The following DNAH3 variants were observed in gnomAD, a reference collection of about 807,000 sequenced individuals.
DNAH3 encodes dynein axonemal heavy chain 3.
Under a neutral mutation model 432.5 loss-of-function variants are expected in DNAH3, and 332 were observed. The observed-to-expected ratio is 0.77, with a 90% CI of 0.70 to 0.84. The LOEUF is 0.84. Among genes scored for constraint, DNAH3 ranks in the 40% least tolerant of loss-of-function variants. The pLI, the probability that DNAH3 is intolerant of heterozygous loss-of-function variation, is 0.00. For missense variants in DNAH3, 4,861 were observed against 5,114.0 expected (o/e 0.95, Z 1.51); for synonymous variants, 1,956 against 1,900.2 (o/e 1.03, Z -0.76).
chr16:21,065,455 C>G (rs1567728063), intron 24 of DNAH3, among the ~76,000 whole-genome samples: 2 of 152,264 alleles, frequency 1.3e-5, no homozygotes, highest in South Asian at 4.2e-4. Flanking sequence ...GCCACCACGC[C>G]TGGTCTATTA....
At chr16:20,980,210 ATAT>A (rs2085802443) in intron 49 of DNAH3, among the ~76,000 whole-genome samples, 1 of 132,208 alleles carries the variant, frequency 7.6e-6, no homozygotes, top group African/African-American at 3.0e-5. Context: ...ATATTTATTT[ATAT>A]TATTTATATT....
At chr16:21,153,690 G>A (rs7184294) in intron 1 of DNAH3, among the ~76,000 whole-genome samples, 71,385 of 151,520 alleles carry the variant, frequency 0.47, 17,231 homozygotes, top group East Asian at 0.68. Flanking sequence ...CCCACCAGAA[G>A]GAAGAAACTC....
intron 31 of DNAH3, among the ~76,000 whole-genome samples, chr16:21,045,922 T>C (rs1414929017): frequency 6.9e-6 from 1 of 144,986 alleles, no homozygotes; most frequent in Non-Finnish European, 1.5e-5. Flanking sequence ...CTGCCTTCAT[T>C]TCGTTATGTA....
chr16:21,156,577 C>G (rs1278749353), intron 1 of DNAH3, among the ~76,000 whole-genome samples: 1 of 152,136 alleles, frequency 6.6e-6, no homozygotes, highest in Non-Finnish European at 1.5e-5. Flanking sequence ...CCTTCATGAC[C>G]TAATCACCTC....
exon 20 of DNAH3, chr16:21,081,669 A>G (rs1567757653): frequency 6.2e-7 from 1 of 1,613,834 alleles, no homozygotes; most frequent in Non-Finnish European, 8.5e-7. Flanking sequence ...AAATTCGAGC[A>G]TATTTGAGAG....
At chr16:21,138,275 T>C (rs566816246) in intron 5 of DNAH3, among the ~76,000 whole-genome samples, 129 of 149,168 alleles carry the variant, frequency 8.6e-4, no homozygotes, top group Non-Finnish European at 1.6e-3. Flanking sequence ...GAAAAAGAGG[T>C]TGCTGCTGCC....
At chr16:21,001,656 T>C (rs1329903580) in intron 42 of DNAH3, among the ~76,000 whole-genome samples, 1 of 152,176 alleles carries the variant, frequency 6.6e-6, no homozygotes, top group Non-Finnish European at 1.5e-5. Context: ...TTTGCCTGTA[T>C]TACCCCCTAC....
exon 51 of DNAH3, chr16:20,975,275 T>C (rs2152647532): frequency 6.2e-7 from 1 of 1,614,112 alleles, no homozygotes; most frequent in Middle Eastern, 1.7e-4. Flanking sequence ...TGGCTTCTTT[T>C]TCATCTGCCT....
rs1036707321 is a variant in DNAH3 at position 20,985,849 on chromosome 16, G to A, written c.7027-134C>T. 6.1e-5 allele frequency: 55 copies of A among 903,780 alleles called. No homozygotes were observed. In the African/African-American group the frequency reaches 8.4e-4, roughly 14 times the overall value. 56.0% of individuals were successfully genotyped at this position (903,780 alleles called of 1,614,324 possible). The stretch of plus-strand genomic sequence containing the variant: ...CATCCTTCAAGGTCATGGGTCATCA[G>A]TTTTGTTTTGTTTCGTTTTGTTTTG... On this transcript the variant is annotated intron_variant, in intron 47 of 61. Coordinates refer to ENST00000261383, the Ensembl canonical transcript of DNAH3.
intron 52 of DNAH3, among the ~76,000 whole-genome samples, chr16:20,968,972 T>C (rs2085189924): frequency 1.3e-5 from 2 of 152,118 alleles, no homozygotes; most frequent in Admixed American, 1.3e-4. Context: ...TCTCTGCATA[T>C]TTGTCTCTCA....
intron 18 of DNAH3, among the ~76,000 whole-genome samples, chr16:21,092,403 T>C (rs1023962390): frequency 1.3e-5 from 2 of 151,646 alleles, no homozygotes; most frequent in African/African-American, 4.8e-5. Flanking sequence ...GATGAAAAAA[T>C]TGGACATCTA....
chr16:21,139,956 T>C (rs2092697702), intron 5 of DNAH3, among the ~76,000 whole-genome samples: 1 of 151,698 alleles, frequency 6.6e-6, no homozygotes, highest in African/African-American at 2.4e-5. Context: ...ATTTTGTTTT[T>C]GTATTTTTAG....
exon 62 of DNAH3, chr16:20,933,472 G>A (rs769706841): frequency 9.3e-6 from 15 of 1,608,562 alleles, no homozygotes; most frequent in Admixed American, 5.0e-5. Flanking sequence ...CCCCATCTTC[G>A]GGGTTATTCT....
chr16:21,108,751 A>T (rs1235399476), intron 14 of DNAH3, among the ~76,000 whole-genome samples: 1 of 151,858 alleles, frequency 6.6e-6, no homozygotes, highest in Non-Finnish European at 1.5e-5. Context: ...TCAATTTTTT[A>T]AAAAGTGTCC....
chr16:21,125,335 C>A, exon 9 of DNAH3: 1 of 1,611,066 alleles, frequency 6.2e-7, no homozygotes, highest in South Asian at 1.1e-5. Flanking sequence ...GTGCTCCTTC[C>A]GTGAGGTAAA....
At chr16:21,146,772 T>TC (rs1451519302) in intron 1 of DNAH3, among the ~76,000 whole-genome samples, 4 of 151,676 alleles carry the variant, frequency 2.6e-5, no homozygotes, top group Non-Finnish European at 5.9e-5. Context: ...TCTTTCTTTT[T>TC]TTTTTTGAGA....
chr16:21,078,439 C>T (rs971879487), intron 20 of DNAH3, among the ~76,000 whole-genome samples: 3 of 152,108 alleles, frequency 2.0e-5, no homozygotes, highest in African/African-American at 7.2e-5. Context: ...ACCTCAGCAG[C>T]GTGGTCACTG....
chr16:21,077,583 C>T (rs1018559586), intron 20 of DNAH3, among the ~76,000 whole-genome samples: 5 of 152,158 alleles, frequency 3.3e-5, no homozygotes, highest in African/African-American at 9.7e-5. Context: ...TGGGTCCACC[C>T]GTCCATGGCC....
At chr16:21,058,861 G>A (rs1485269621) in intron 26 of DNAH3, among the ~76,000 whole-genome samples, 1 of 152,114 alleles carries the variant, frequency 6.6e-6, no homozygotes, top group African/African-American at 2.4e-5. Context: ...AGGAGAGGGA[G>A]AACATTAGGA....
Sources: allele counts gnomAD v4.1 joint callset (sites outside exome capture counted in the v4.1 genomes callset), GRCh38; gene constraint gnomAD v4.1.1; transcripts MANE v1.5; gene names NCBI Gene and HGNC (gene_info 2026-07-23, HGNC 2026-07-21).